KCNH1: variants seen among roughly 807,000 people sequenced by gnomAD.
The protein encoded by KCNH1 is voltage-gated delayed rectifier potassium channel KCNH1.
KCNH1 carries 27 observed loss-of-function variants against 69.2 expected under a neutral mutation model. The observed-to-expected ratio is 0.39, with a 90% CI of 0.29 to 0.54. The LOEUF (loss-of-function observed/expected upper bound fraction) is 0.54. Ranked by LOEUF, KCNH1 falls within the 20% of genes least tolerant of loss-of-function variation. KCNH1 has a pLI of 0.68. For missense variants in KCNH1, 798 were observed against 1,261.6 expected (o/e 0.63, Z 5.57); for synonymous variants, 456 against 487.7 (o/e 0.93, Z 0.86).
chr1:210,922,989 T>C (rs1188015742), intron 6 of KCNH1, among the ~76,000 whole-genome samples: 1 of 152,200 alleles, frequency 6.6e-6, no homozygotes, highest in Non-Finnish European at 1.5e-5. Flanking sequence ...ATTTTTTCCT[T>C]ACTTGTATTC....
intron 1 of KCNH1, among the ~76,000 whole-genome samples, chr1:211,107,976 G>T (rs1397373228): frequency 6.6e-6 from 1 of 152,168 alleles, no homozygotes; most frequent in African/African-American, 2.4e-5. Flanking sequence ...TGTAGAGGCT[G>T]ATCAAGATGC....
intron 10 of KCNH1, among the ~76,000 whole-genome samples, chr1:210,714,817 G>A (rs1682181721): frequency 6.6e-6 from 1 of 152,178 alleles, no homozygotes; most frequent in African/African-American, 2.4e-5. Flanking sequence ...ACACAACCAA[G>A]AAAGAAAGAA....
intron 6 of KCNH1, among the ~76,000 whole-genome samples, chr1:210,995,141 T>G (rs1047360155): frequency 2.6e-5 from 4 of 152,156 alleles, no homozygotes; most frequent in Admixed American, 2.6e-4. Context: ...GAGGTGACAA[T>G]ATCACACAAT....
chr1:210,984,258 CCTTT>C (rs2102381389), intron 6 of KCNH1, among the ~76,000 whole-genome samples: 1 of 152,176 alleles, frequency 6.6e-6, no homozygotes, highest in Non-Finnish European at 1.5e-5. Flanking sequence ...AATTGAATAC[CCTTT>C]ATTTCCTTCT....
At chr1:210,829,823 C>T (rs1356905375) in intron 7 of KCNH1, among the ~76,000 whole-genome samples, 1 of 152,206 alleles carries the variant, frequency 6.6e-6, no homozygotes, top group Non-Finnish European at 1.5e-5. Flanking sequence ...TGATCCCCAA[C>T]TCCCCATAGC....
rs1553346590 is a variant in KCNH1 at position 210,806,836 on chromosome 1, A to AATATATATATAT, written c.1463-2682_1463-2671dup. Among the ~76,000 whole-genome samples the AATATATATATAT allele has an allele frequency of 3.0e-3, 253 of 85,466 alleles. 7 individuals carry two copies. The highest frequency in any genetic ancestry group is 0.011 in the African/African-American group (208 of 19,560). 56.1% of individuals were successfully genotyped at this position (85,466 alleles called of 152,430 possible). On this transcript the variant is annotated intron_variant, in intron 7 of 10. Coordinates refer to ENST00000271751, the MANE Select transcript of KCNH1 (RefSeq NM_172362.3). The stretch of plus-strand genomic sequence containing the variant: ...AAAAAAAAAAAAAAAAAAAAAAAAA[A>AATATATATATAT]ATATATATATATATATATAAATTTG...
At chr1:210,952,932 T>A (rs1688090649) in intron 6 of KCNH1, among the ~76,000 whole-genome samples, 1 of 152,236 alleles carries the variant, frequency 6.6e-6, no homozygotes, top group African/African-American at 2.4e-5. Flanking sequence ...TGGAGGTTTT[T>A]ATTTGGTTGG....
intron 9 of KCNH1, among the ~76,000 whole-genome samples, chr1:210,787,595 G>C (rs1381959834): frequency 6.6e-6 from 1 of 152,184 alleles, no homozygotes; most frequent in Non-Finnish European, 1.5e-5. Context: ...GACTTAGAAT[G>C]TCTTAGGCTG....
chr1:210,956,560 G>A (rs893796587), intron 6 of KCNH1, among the ~76,000 whole-genome samples: 1 of 148,184 alleles, frequency 6.7e-6, no homozygotes, highest in African/African-American at 2.5e-5. Flanking sequence ...TTTTTGGAGG[G>A]TAGGCTATTA....
At chr1:211,119,629 T>C (rs1175641877) in intron 1 of KCNH1, among the ~76,000 whole-genome samples, 8 of 152,128 alleles carry the variant, frequency 5.3e-5, no homozygotes, top group Admixed American at 5.2e-4. Context: ...CAGTATGATA[T>C]ACCCAAATAA....
At chr1:211,101,353 T>C (rs1691254602) in intron 3 of KCNH1, among the ~76,000 whole-genome samples, 1 of 152,154 alleles carries the variant, frequency 6.6e-6, no homozygotes, top group Non-Finnish European at 1.5e-5. Flanking sequence ...AACTGTATAA[T>C]TTCCAGGCTT....
chr1:210,904,617 C>T (rs1049458348), intron 7 of KCNH1, among the ~76,000 whole-genome samples: 7 of 152,094 alleles, frequency 4.6e-5, no homozygotes, highest in African/African-American at 1.2e-4. Context: ...ATTTTGGAAG[C>T]GGGACTGGGG....
intron 7 of KCNH1, among the ~76,000 whole-genome samples, chr1:210,918,325 C>T (rs569151923): frequency 1.1e-4 from 17 of 152,322 alleles, no homozygotes; most frequent in East Asian, 3.9e-4. Flanking sequence ...GAAACAAGAA[C>T]GCAAGAGTCT....
intron 10 of KCNH1, among the ~76,000 whole-genome samples, chr1:210,692,645 A>G (rs149689084): frequency 2.0e-5 from 3 of 152,310 alleles, no homozygotes; most frequent in African/African-American, 7.2e-5. Context: ...TAGACCAGTG[A>G]TGAATGTCAT....
chr1:211,130,359 C>T (rs1490606824), intron 1 of KCNH1, among the ~76,000 whole-genome samples: 1 of 152,184 alleles, frequency 6.6e-6, no homozygotes, highest in Non-Finnish European at 1.5e-5. Context: ...TTAGTACCAG[C>T]AAGACCAGTA....
intron 10 of KCNH1, among the ~76,000 whole-genome samples, chr1:210,723,382 C>A (rs998410931): frequency 1.3e-5 from 2 of 151,978 alleles, no homozygotes; most frequent in African/African-American, 4.8e-5. Context: ...GCAGCCATGT[C>A]CCCCCAGCAG....
intron 5 of KCNH1, among the ~76,000 whole-genome samples, chr1:211,031,719 G>C (rs1188289042): frequency 6.6e-6 from 1 of 152,102 alleles, no homozygotes. Context: ...AACCCTTCCT[G>C]CTAAAAACTC....
At chr1:210,969,923 G>T (rs539272874) in intron 6 of KCNH1, among the ~76,000 whole-genome samples, 11 of 151,888 alleles carry the variant, frequency 7.2e-5, no homozygotes, top group African/African-American at 9.7e-5. Flanking sequence ...TTGAGACAGG[G>T]TTGCACTCTG....
chr1:211,023,159 TAAATTAAAAA>T (rs1558571765), intron 5 of KCNH1, among the ~76,000 whole-genome samples: 5 of 97,500 alleles, frequency 5.1e-5, no homozygotes, highest in African/African-American at 1.9e-4. Flanking sequence ...AATAAATAAA[TAAATTAAAAA>T]TGCTGGTGAG....
Sources: allele counts gnomAD v4.1 joint callset (sites outside exome capture counted in the v4.1 genomes callset), GRCh38; gene constraint gnomAD v4.1.1; transcripts MANE v1.5; gene names NCBI Gene and HGNC (gene_info 2026-07-23, HGNC 2026-07-21).